The following TMEFF2 variants were observed in gnomAD, a reference collection of about 807,000 sequenced individuals.
TMEFF2 encodes the protein transmembrane protein with EGF like and two follistatin like domains 2, also known as tomoregulin-2.
TMEFF2 carries 28 observed loss-of-function variants against 53.8 expected under a neutral mutation model. That is an observed-to-expected ratio of 0.52 (90% CI 0.39 to 0.71). The LOEUF (loss-of-function observed/expected upper bound fraction) is 0.71, where lower values mean the gene tolerates loss of function less well. TMEFF2 is among the 30% of genes least tolerant of loss of function. TMEFF2 has a pLI of 0.00. For missense variants in TMEFF2, 353 were observed against 455.2 expected (o/e 0.78, Z 2.04); for synonymous variants, 162 against 166.3 (o/e 0.97, Z 0.20).
At chr2:192,048,395 C>CACACACACAG (rs1260466382) in intron 5 of TMEFF2, among the ~76,000 whole-genome samples, 35 of 151,090 alleles carry the variant, frequency 2.3e-4, no homozygotes, top group African/African-American at 8.5e-4. Context: ...CACACACACA[C>CACACACACAG]AGAAAATATA....
In TMEFF2 at chr2:192,181,563, T is replaced by A. The variant is rs181386294; in HGVS notation, c.413-1869A>T. 5.6e-3 allele frequency among the ~76,000 whole-genome samples: 853 copies of A among 151,876 alleles called. 9 individuals are homozygous for A. Among genetic ancestry groups the A allele is most frequent in the African/African-American group, 0.019 (802 of 41,508 alleles). ...TTCCTCCTCTATTCAATGGGTACAG[T>A]AATATCTAACCGATTGGGCTATTTT... On this transcript the variant is annotated intron_variant, in intron 3 of 9. Transcript: ENST00000272771.
At chr2:192,151,193 C>A (rs541186822) in intron 4 of TMEFF2, among the ~76,000 whole-genome samples, 10 of 151,972 alleles carry the variant, frequency 6.6e-5, no homozygotes, top group African/African-American at 1.9e-4. Flanking sequence ...GAGGCCTCCC[C>A]AGCCATGAGG....
intron 4 of TMEFF2, among the ~76,000 whole-genome samples, chr2:192,103,177 T>G (rs1689073167): frequency 6.6e-6 from 1 of 152,174 alleles, no homozygotes. Flanking sequence ...CTTCTCTTTT[T>G]CTAAAACTCT....
chr2:191,949,337 A>C lies in TMEFF2; in HGVS notation c.*974T>G. On this transcript the variant is annotated 3_prime_UTR_variant, in exon 10 of 10. Coordinates refer to ENST00000272771, the MANE Select transcript of TMEFF2 (RefSeq NM_016192.4). Reference sequence around the variant, plus strand: ...GTTTTCATGAAATATCGTCATCATCATCTTAGTTCCATTACAAATTATGGT... The same window carrying C: ...GTTTTCATGAAATATCGTCATCATCCTCTTAGTTCCATTACAAATTATGGT... The C allele has an allele frequency of 3.0e-6, 3 of 985,390 alleles. No individual in the cohort carries two copies. Among genetic ancestry groups the C allele is most frequent in the Non-Finnish European group, 3.6e-6 (3 of 829,916 alleles). The allele number at this position is 985,390 out of a possible 1,614,324, so 61.0% of individuals were successfully genotyped here.
intron 4 of TMEFF2, among the ~76,000 whole-genome samples, chr2:192,113,172 ATATT>A (rs1235080722): frequency 1.3e-5 from 2 of 152,198 alleles, no homozygotes; most frequent in Non-Finnish European, 2.9e-5. Flanking sequence ...TGATTTGAAA[ATATT>A]TAGGCTTATA....
intron 7 of TMEFF2, among the ~76,000 whole-genome samples, chr2:191,982,306 AAC>A (rs1685871496): frequency 6.6e-6 from 1 of 152,080 alleles, no homozygotes; most frequent in Admixed American, 6.6e-5. Flanking sequence ...CAGATAAGAA[AAC>A]AAAGACTCAC....
chr2:191,953,854 T>C lies in TMEFF2; in HGVS notation c.870-17A>G, dbSNP rs1439375745. Reference sequence around the variant, plus strand: ...GCATCACACCTGGAAGAAATTATAGTGCCCAGTTACCTGTAGGGTGCTGCA... The same window carrying C: ...GCATCACACCTGGAAGAAATTATAGCGCCCAGTTACCTGTAGGGTGCTGCA... On this transcript the variant is annotated splice_polypyrimidine_tract_variant and intron_variant, in intron 8 of 9. Coordinates refer to ENST00000272771, the MANE Select transcript of TMEFF2 (RefSeq NM_016192.4). 6.5e-7 allele frequency: 1 copy of C among 1,547,854 alleles called. No homozygotes were observed. Among genetic ancestry groups the C allele is most frequent in the South Asian group, 1.1e-5 (1 of 87,812 alleles).
intron 7 of TMEFF2, among the ~76,000 whole-genome samples, chr2:191,977,556 A>G (rs1239029868): frequency 1.3e-5 from 2 of 152,212 alleles, no homozygotes; most frequent in African/African-American, 2.4e-5. Flanking sequence ...TTACAAAGGA[A>G]ACAAAAGCCA....
At chr2:192,013,420 A>T (rs759658578) in intron 5 of TMEFF2, among the ~76,000 whole-genome samples, 12 of 150,170 alleles carry the variant, frequency 8.0e-5, no homozygotes, top group Non-Finnish European at 1.8e-4. Flanking sequence ...CTAACACAGC[A>T]CCTATTTCCT....
At chr2:192,054,626 T>C (rs1164863591) in intron 5 of TMEFF2, among the ~76,000 whole-genome samples, 4 of 152,178 alleles carry the variant, frequency 2.6e-5, no homozygotes, top group African/African-American at 7.2e-5. Context: ...AACATCTACC[T>C]AGACCAGCTC....
At chr2:192,147,585 G>GT in intron 4 of TMEFF2, among the ~76,000 whole-genome samples, 1 of 151,892 alleles carries the variant, frequency 6.6e-6, no homozygotes, top group Middle Eastern at 3.4e-3. Context: ...GCAGTGTTTG[G>GT]TTTTTTGTCC....
chr2:192,175,943 T>C (rs935229318), intron 4 of TMEFF2, among the ~76,000 whole-genome samples: 4 of 151,474 alleles, frequency 2.6e-5, no homozygotes, highest in African/African-American at 9.7e-5. Flanking sequence ...CTTTATAATA[T>C]GACTGAAAGA....
At chr2:192,179,540 G>C in intron 4 of TMEFF2, 128 bp downstream of exon 4, 1 of 993,228 alleles carries the variant, frequency 1.0e-6, no homozygotes, top group Non-Finnish European at 1.4e-6. Flanking sequence ...AATTTTTTAT[G>C]GTTTCACCTT....
chr2:192,175,677 C>G (rs1691024579), intron 4 of TMEFF2, among the ~76,000 whole-genome samples: 4 of 151,280 alleles, frequency 2.6e-5, no homozygotes, highest in South Asian at 2.1e-4. Context: ...TAAAAATATA[C>G]TTATTGTATC....
intron 4 of TMEFF2, among the ~76,000 whole-genome samples, chr2:192,156,774 T>A (rs1168131801): frequency 6.6e-6 from 1 of 152,046 alleles, no homozygotes. Context: ...TAAGCCAGCA[T>A]ATACCGTATC....
chr2:192,103,121 C>G (rs1359548783), intron 4 of TMEFF2, among the ~76,000 whole-genome samples: 2 of 152,184 alleles, frequency 1.3e-5, no homozygotes, highest in African/African-American at 2.4e-5. Flanking sequence ...CAATGATACT[C>G]ACTGTCCTAT....
intron 7 of TMEFF2, among the ~76,000 whole-genome samples, chr2:191,975,967 C>G (rs1685715064): frequency 6.6e-6 from 1 of 152,140 alleles, no homozygotes; most frequent in Admixed American, 6.5e-5. Context: ...ATTCATTTCT[C>G]TCTTATTCTC....
chr2:192,160,756 T>C (rs1277149553), intron 4 of TMEFF2, among the ~76,000 whole-genome samples: 1 of 151,878 alleles, frequency 6.6e-6, no homozygotes, highest in Non-Finnish European at 1.5e-5. Flanking sequence ...ATAAGATAAA[T>C]GGAAAAGGAT....
At chr2:192,106,654 A>G (rs1689156150) in intron 4 of TMEFF2, among the ~76,000 whole-genome samples, 1 of 151,840 alleles carries the variant, frequency 6.6e-6, no homozygotes, top group African/African-American at 2.4e-5. Context: ...TCAAAATAAT[A>G]AACTCTACTT....
Sources: gnomAD v4.1 joint callset for allele counts (sites outside exome capture counted in the v4.1 genomes callset) on GRCh38, gnomAD v4.1.1 for gene constraint, MANE v1.5 for transcripts, NCBI Gene and HGNC (gene_info 2026-07-23, HGNC 2026-07-21) for gene names.